The following UVRAG variants were observed in gnomAD, a reference collection of about 807,000 sequenced individuals.
The protein encoded by UVRAG is UV radiation resistance associated.
Under a neutral mutation model 78.0 loss-of-function variants are expected in UVRAG, and 19 were observed. That is an observed-to-expected ratio of 0.24 (90% confidence interval 0.17 to 0.36). UVRAG has a LOEUF of 0.36. UVRAG is among the 10% of genes least tolerant of loss of function. The pLI, the probability that UVRAG is intolerant of heterozygous loss-of-function variation, is 1.00. For missense variants in UVRAG, 740 were observed against 853.8 expected, an observed-to-expected ratio of 0.87 and a Z score of 1.66; for synonymous variants, 323 against 324.6, an observed-to-expected ratio of 1.00 and a Z score of 0.05.
At chr11:76,128,677 C>T (rs1388512895) in intron 14 of UVRAG, among the ~76,000 whole-genome samples, 1 of 151,978 alleles carries the variant, frequency 6.6e-6, no homozygotes, top group Non-Finnish European at 1.5e-5. Context: ...AGTGCAGTGG[C>T]GCCATCATAG....
intron 5 of UVRAG, among the ~76,000 whole-genome samples, chr11:75,908,956 C>T (rs1320299235): frequency 6.6e-6 from 1 of 151,824 alleles, no homozygotes; most frequent in African/African-American, 2.4e-5. Context: ...TTTTATAAGC[C>T]TTCTTATTTC....
chr11:75,941,515 G>T (rs1439072333), intron 6 of UVRAG, among the ~76,000 whole-genome samples: 1 of 151,998 alleles, frequency 6.6e-6, no homozygotes, highest in Non-Finnish European at 1.5e-5. Context: ...CTGGTTGAGC[G>T]TCTGAAATCC....
chr11:75,887,519 C>T (rs1272263816), intron 4 of UVRAG, among the ~76,000 whole-genome samples: 1 of 148,924 alleles, frequency 6.7e-6, no homozygotes, highest in Non-Finnish European at 1.5e-5. Context: ...ACAATCTCGG[C>T]TCTCTGCAAG....
intron 12 of UVRAG, among the ~76,000 whole-genome samples, chr11:76,056,648 C>T (rs373474394): frequency 1.3e-5 from 2 of 152,168 alleles, no homozygotes; most frequent in Non-Finnish European, 2.9e-5. Context: ...GTTTATCTTT[C>T]CCCTGTGTTA....
chr11:76,087,090 C>A (rs1951601511), intron 13 of UVRAG, among the ~76,000 whole-genome samples: 2 of 152,172 alleles, frequency 1.3e-5, no homozygotes, highest in Non-Finnish European at 1.5e-5. Flanking sequence ...AGATTTGCTG[C>A]CTATGCAGTT....
chr11:76,080,081 C>A (rs754764669), intron 13 of UVRAG, among the ~76,000 whole-genome samples: 1 of 152,110 alleles, frequency 6.6e-6, no homozygotes, highest in Non-Finnish European at 1.5e-5. Flanking sequence ...TAGGAGCCCA[C>A]TCTTGTAGTA....
intron 14 of UVRAG, among the ~76,000 whole-genome samples, chr11:76,123,448 A>G (rs779549875): frequency 2.6e-5 from 4 of 152,242 alleles, no homozygotes; most frequent in Non-Finnish European, 5.9e-5. Flanking sequence ...TCGGGTGAGT[A>G]GCCTAAAGCA....
chr11:75,841,085 C>T (rs1034479686), intron 1 of UVRAG, among the ~76,000 whole-genome samples: 2 of 152,006 alleles, frequency 1.3e-5, no homozygotes, highest in Non-Finnish European at 2.9e-5. Flanking sequence ...TAAATTTGCC[C>T]GAAATAATCT....
intron 13 of UVRAG, among the ~76,000 whole-genome samples, chr11:76,077,210 TTTAA>T (rs1462314123): frequency 3.3e-5 from 5 of 150,284 alleles, no homozygotes; most frequent in African/African-American, 7.3e-5. Flanking sequence ...TATTTAATGT[TTTAA>T]TTGAGGTCAA....
chr11:76,092,213 A>G (rs1591227831), intron 13 of UVRAG, among the ~76,000 whole-genome samples: 1 of 152,154 alleles, frequency 6.6e-6, no homozygotes, highest in African/African-American at 2.4e-5. Context: ...TATATGTGCC[A>G]CATTTTCTTA....
intron 13 of UVRAG, among the ~76,000 whole-genome samples, chr11:76,077,015 C>CA (rs113696599): frequency 7.4e-4 from 92 of 124,078 alleles, no homozygotes; most frequent in African/African-American, 8.9e-4. Flanking sequence ...AACCCTGTCT[C>CA]AAAAAAAAAA....
chr11:75,903,184 G>A (rs772844957), intron 5 of UVRAG, among the ~76,000 whole-genome samples: 1 of 151,426 alleles, frequency 6.6e-6, no homozygotes, highest in Non-Finnish European at 1.5e-5. Flanking sequence ...TGTCTAATAT[G>A]TATGGATTTT....
At chr11:75,834,511 A>G (rs1236714305) in intron 1 of UVRAG, among the ~76,000 whole-genome samples, 1 of 152,136 alleles carries the variant, frequency 6.6e-6, no homozygotes, top group Non-Finnish European at 1.5e-5. Flanking sequence ...TCTATAGGGA[A>G]ACACTTTAAG....
intron 12 of UVRAG, among the ~76,000 whole-genome samples, chr11:76,038,585 C>T (rs1950583365): frequency 6.6e-6 from 1 of 152,186 alleles, no homozygotes; most frequent in Non-Finnish European, 1.5e-5. Context: ...TGGAATCAAT[C>T]CTCCACAGAT....
chr11:76,137,293 G>A (rs1170844435), intron 14 of UVRAG: 3 of 455,070 alleles, frequency 6.6e-6, no homozygotes, highest in East Asian at 7.0e-5. Context: ...GAGGGGACTC[G>A]AAGAACCCAC....
chr11:75,859,144 G>T (rs1034096780), intron 2 of UVRAG, among the ~76,000 whole-genome samples: 2 of 152,194 alleles, frequency 1.3e-5, no homozygotes, highest in Non-Finnish European at 2.9e-5. Context: ...GGAGGCCGAG[G>T]CGTGTGGATC....
chr11:75,918,760 A>G (rs906851100), intron 6 of UVRAG, among the ~76,000 whole-genome samples: 6 of 152,206 alleles, frequency 3.9e-5, no homozygotes, highest in East Asian at 1.9e-4. Flanking sequence ...CTATTGATCA[A>G]ATTGAACTAT....
intron 4 of UVRAG, among the ~76,000 whole-genome samples, chr11:75,886,771 A>G (rs1947087009): frequency 6.6e-6 from 1 of 152,196 alleles, no homozygotes. Flanking sequence ...CTCTAGGTAG[A>G]GAAAGGAGAG....
chr11:76,072,753 C>T, intron 13 of UVRAG, among the ~76,000 whole-genome samples: 1 of 152,094 alleles, frequency 6.6e-6, no homozygotes, highest in Non-Finnish European at 1.5e-5. Flanking sequence ...AATTTTCTTC[C>T]AGATTGTTGG....
Sources: allele counts gnomAD v4.1 joint callset (sites outside exome capture counted in the v4.1 genomes callset), GRCh38; gene constraint gnomAD v4.1.1; transcripts MANE v1.5; gene names NCBI Gene and HGNC (gene_info 2026-07-23, HGNC 2026-07-21).